MANSC4: variants seen among roughly 807,000 people sequenced by gnomAD.
The protein encoded by MANSC4 is MANSC domain-containing protein 4.
In MANSC4, 11 loss-of-function variants were observed where a neutral mutation model predicts 11.4. The observed-to-expected ratio is 0.97, with a 90% CI of 0.61 to 1.60. The LOEUF is 1.60. Ranked by LOEUF, MANSC4 falls within the 40% of genes most tolerant of loss-of-function variation. MANSC4 has a pLI of 0.00. For missense variants in MANSC4, 354 were observed against 404.6 expected (o/e 0.88, Z 1.07); for synonymous variants, 123 against 147.1 (o/e 0.84, Z 1.19).
Position 27,766,609 on chromosome 12 carries a change from C to T in MANSC4, c.364+56G>A, listed in dbSNP as rs1226415120. On this transcript the variant is annotated intron_variant, in intron 3 of 3. Coordinates refer to ENST00000381273, the MANE Select transcript of MANSC4 (RefSeq NM_001146221.5). Reference sequence around the variant, plus strand: ...TGCCAGCCAGTTTCTCAGCTATATGCCTCTACTAGAATATCGCCAGCATTC... The same window carrying T: ...TGCCAGCCAGTTTCTCAGCTATATGTCTCTACTAGAATATCGCCAGCATTC... 20 of 1,517,882 alleles carry T rather than the reference C, an allele frequency of 1.3e-5. No individual in the cohort carries two copies. The East Asian group carries it at 2.0e-4, about 15-fold the overall frequency. The allele number at this position is 1,517,882 out of a possible 1,614,324, so 94.0% of individuals were successfully genotyped here.
At chr12:27,768,300 G>C (rs1016751821) in intron 2 of MANSC4, among the ~76,000 whole-genome samples, 19 of 151,232 alleles carry the variant, frequency 1.3e-4, no homozygotes, top group African/African-American at 4.1e-4. Flanking sequence ...CTACTCAGGA[G>C]GCTGAGGCAC....
rs11049124 is a variant in MANSC4 at position 27,763,011 on chromosome 12, A to C, written c.750T>G (p.Pro250=). 3.2e-6 allele frequency: 5 copies of C among 1,551,656 alleles called. No homozygotes were observed. Among genetic ancestry groups the C allele is most frequent in the Non-Finnish European group, 4.4e-6 (5 of 1,146,994 alleles). Residue 250 remains proline (P), a synonymous_variant, in exon 4 of 4, where the codon CCT becomes CCG. Transcript: ENST00000381273. ...DTKLSHMPVP[P]GLNSSKQLLN... is the part of the protein sequence containing the mutation. ...GTAATTGTTTGCTACTGTTGAGTCCAGGTGGAACAGGCATATGAGAAAGTT... is the reference window on the plus strand; with the variant it reads ...GTAATTGTTTGCTACTGTTGAGTCCCGGTGGAACAGGCATATGAGAAAGTT...
intron 2 of MANSC4, among the ~76,000 whole-genome samples, chr12:27,767,565 T>C (rs1323643839): frequency 6.6e-6 from 1 of 151,942 alleles, no homozygotes; most frequent in Non-Finnish European, 1.5e-5. Flanking sequence ...TAGCCAGGCG[T>C]GGTGGCGCAT....
intron 2 of MANSC4, among the ~76,000 whole-genome samples, chr12:27,770,098 A>G (rs2062093680): frequency 6.6e-6 from 1 of 152,202 alleles, no homozygotes; most frequent in African/African-American, 2.4e-5. Context: ...CAAAACATGA[A>G]TCGCACTCTA....
chr12:27,775,426 A>G (rs2062116043), intron 1 of MANSC4, among the ~76,000 whole-genome samples: 1 of 152,140 alleles, frequency 6.6e-6, no homozygotes, highest in South Asian at 2.1e-4. Context: ...AAAATTTTAA[A>G]AAATTAGCCG....
chr12:27,772,925 G>A (rs1408667597), intron 1 of MANSC4, among the ~76,000 whole-genome samples: 1 of 152,122 alleles, frequency 6.6e-6, no homozygotes, highest in Non-Finnish European at 1.5e-5. Flanking sequence ...AGGTTCTTTT[G>A]TGTGCTATAT....
chr12:27,778,932 G>C (rs868158925), intron 1 of MANSC4, among the ~76,000 whole-genome samples: 7 of 152,178 alleles, frequency 4.6e-5, no homozygotes, highest in Non-Finnish European at 8.8e-5. Context: ...GCAGTGGCGC[G>C]ATCTCGGCTC....
Position 27,775,434 on chromosome 12 carries a change from C to T in MANSC4, c.-306-3852G>A, listed in dbSNP as rs112161167. On this transcript the variant is annotated intron_variant, in intron 1 of 3. Coordinates refer to ENST00000381273, the MANE Select transcript of MANSC4 (RefSeq NM_001146221.5). ...TCTCTACAAAATTTTAAAAAATTAG[C>T]CGGTTGAGGTGGGGCCCATGAGGTT... 1.2e-4 allele frequency among the ~76,000 whole-genome samples: 18 copies of T among 152,190 alleles called. 1 individual carries two copies. The highest frequency in any genetic ancestry group is 3.4e-3 in the Middle Eastern group (1 of 294).
At chr12:27,774,897 G>C (rs1237284745) in intron 1 of MANSC4, among the ~76,000 whole-genome samples, 1 of 152,078 alleles carries the variant, frequency 6.6e-6, no homozygotes, top group African/African-American at 2.4e-5. Flanking sequence ...GGTGGCAGGT[G>C]CCTGTAGTCC....
intron 3 of MANSC4, 96 bp from the exon 4 acceptor site, chr12:27,763,492 G>A: frequency 5.1e-6 from 6 of 1,170,402 alleles, no homozygotes; most frequent in Non-Finnish European, 7.1e-6. Flanking sequence ...TTGCCGCTAT[G>A]AGTTATCGAA....
intron 1 of MANSC4, among the ~76,000 whole-genome samples, chr12:27,775,776 T>C (rs2062117595): frequency 6.6e-6 from 1 of 152,052 alleles, no homozygotes; most frequent in South Asian, 2.1e-4. Context: ...TCTGTTTTTT[T>C]TTTTTAAACT....
At chr12:27,764,548 A>G (rs996819114) in intron 3 of MANSC4, among the ~76,000 whole-genome samples, 4 of 151,932 alleles carry the variant, frequency 2.6e-5, no homozygotes, top group Admixed American at 2.6e-4. Context: ...GGTTTCCATA[A>G]TCTTCAGTCC....
Position 27,765,120 on chromosome 12 carries a change from A to G in MANSC4, c.364+1545T>C, listed in dbSNP as rs140843367. On this transcript the variant is annotated intron_variant, in intron 3 of 3. Coordinates refer to ENST00000381273, the MANE Select transcript of MANSC4 (RefSeq NM_001146221.5). ...TCAAAGTGCTGGAATTACAGGCGTGAGCCACTGCACTCGGGCTTGCAAAGT... is the reference window on the plus strand; with the variant it reads ...TCAAAGTGCTGGAATTACAGGCGTGGGCCACTGCACTCGGGCTTGCAAAGT... Among the ~76,000 whole-genome samples the G allele has an allele frequency of 4.7e-3, 723 of 152,330 alleles. 17 individuals are homozygous for G. Among genetic ancestry groups the G allele is most frequent in the Admixed American group, 0.036 (549 of 15,296 alleles).
chr12:27,763,468 G>A (rs2062057681), intron 3 of MANSC4, 72 bp from the exon 4 acceptor site: 1 of 1,408,726 alleles, frequency 7.1e-7, no homozygotes, highest in Non-Finnish European at 9.5e-7. Context: ...ACAGTTTGGA[G>A]AAGGGGTTGG....
intron 1 of MANSC4, among the ~76,000 whole-genome samples, chr12:27,777,932 T>C (rs2140806687): frequency 6.6e-6 from 1 of 151,564 alleles, no homozygotes; most frequent in East Asian, 1.9e-4. Context: ...AAAAAAAAAA[T>C]GCATTTTTTT....
At chr12:27,768,059 A>G (rs1344345339) in intron 2 of MANSC4, among the ~76,000 whole-genome samples, 1 of 152,156 alleles carries the variant, frequency 6.6e-6, no homozygotes, top group African/African-American at 2.4e-5. Flanking sequence ...GGGACACACT[A>G]TTGGCTCATG....
intron 1 of MANSC4, among the ~76,000 whole-genome samples, chr12:27,773,183 C>A (rs2062107194): frequency 6.6e-6 from 1 of 152,144 alleles, no homozygotes; most frequent in Non-Finnish European, 1.5e-5. Flanking sequence ...TCTCTACTTA[C>A]TAACTAACTA....
rs1230302836 is a variant in MANSC4, at chr12:27,763,324, C to T, written c.437G>A (p.Trp146Ter). 1 of 1,551,718 alleles carries T rather than the reference C, an allele frequency of 6.4e-7. No homozygotes were observed. Residue 146 changes from tryptophan (W) to a stop codon, truncating the protein, a stop_gained, in exon 4 of 4, where the codon TGG becomes TAG. Transcript: ENST00000381273. LOFTEE classifies it low-confidence loss of function (END_TRUNC). ...AGCTTTTAGAATCCTTAGTCTGTCC[C>T]ATCTATTGGATGAAGAACGAGTATT... is the stretch of plus-strand genomic sequence containing the variant. ...YLNTRSSSNR[W>*]DRLRILKAMN...
At chr12:27,764,835 A>T (rs1240961421) in intron 3 of MANSC4, among the ~76,000 whole-genome samples, 1 of 130,918 alleles carries the variant, frequency 7.6e-6, no homozygotes, top group South Asian at 2.4e-4. Flanking sequence ...CCCACACTGA[A>T]ATCTACACTG....
Sources: allele counts gnomAD v4.1 joint callset (sites outside exome capture counted in the v4.1 genomes callset), GRCh38; gene constraint gnomAD v4.1.1; transcripts MANE v1.5; gene names NCBI Gene and HGNC (gene_info 2026-07-23, HGNC 2026-07-21).